The following DZANK1 variants were observed in gnomAD, a reference collection of about 807,000 sequenced individuals.
The protein encoded by DZANK1 is double zinc ribbon and ankyrin repeat domains 1, also known as double zinc ribbon and ankyrin repeat-containing protein 1.
DZANK1 carries 91 observed loss-of-function variants against 94.5 expected under a neutral mutation model. That is an observed-to-expected ratio of 0.96 (90% confidence interval 0.81 to 1.15). DZANK1 has a LOEUF of 1.15. Among genes scored for constraint, DZANK1 ranks in the 50% most tolerant of loss-of-function variants. The pLI is 0.00. For synonymous variants in DZANK1, 312 were observed against 325.3 expected, an observed-to-expected ratio of 0.96 and a Z score of 0.44; for missense variants, 903 against 916.4, an observed-to-expected ratio of 0.99 and a Z score of 0.19.
rs749051406 is a variant in DZANK1 at position 18,412,637 on chromosome 20, C to T, written c.1432+9G>A. ...TCCCGACCAGAAGAAAGGGCATCCT[C>T]CCCCTTACCTCTTCCTGGGCTGATG... is the stretch of plus-strand genomic sequence containing the variant. On this transcript the variant is annotated intron_variant, in intron 13 of 20. Transcript: ENST00000262547. 6.2e-7 allele frequency: 1 copy of T among 1,611,666 alleles called. No homozygotes were observed. The highest frequency in any genetic ancestry group is 8.5e-7 in the Non-Finnish European group (1 of 1,179,212).
chr20:18,383,444 G>A (rs1293437517), exon 21 of DZANK1: 1 of 152,072 alleles, frequency 6.6e-6, no homozygotes, highest in East Asian at 1.9e-4. Context: ...GAATATTGAT[G>A]ATTTCAACAT....
chr20:18,398,366 G>A (rs2056475063), intron 14 of DZANK1, 157 bp downstream of exon 14: 2 of 648,000 alleles, frequency 3.1e-6, no homozygotes, highest in South Asian at 2.0e-5. Flanking sequence ...TGATTTATTA[G>A]AGCAGAGCTC....
chr20:18,431,564 T>C (rs16979132), intron 9 of DZANK1, among the ~76,000 whole-genome samples: 12,834 of 152,274 alleles, frequency 0.084, 576 homozygotes, highest in East Asian at 0.13. Flanking sequence ...GGAATGAAGA[T>C]TGTCAGGCCA....
chr20:18,422,342 A>G (rs1196930605), intron 10 of DZANK1, among the ~76,000 whole-genome samples: 1 of 152,144 alleles, frequency 6.6e-6, no homozygotes, highest in Non-Finnish European at 1.5e-5. Flanking sequence ...TTGAAAATCA[A>G]TTGATGGTAG....
At position 18,437,993 on chromosome 20, in the gene DZANK1, C is replaced by T. The variant is rs1045828771; in HGVS notation, c.748-4228G>A. 4.0e-5 allele frequency among the ~76,000 whole-genome samples: 6 copies of T among 151,792 alleles called. No individual in the cohort carries two copies. The South Asian group carries it at 1.0e-3, about 26-fold the overall frequency. On this transcript the variant is annotated intron_variant, in intron 8 of 20. Transcript: ENST00000262547. The stretch of plus-strand genomic sequence containing the variant: ...CAGCACTTTGGGAGGCCGAGGCGGG[C>T]GGATCATGAGGTCAGGAGATCGAGA...
At chr20:18,410,214 A>T (rs2057185000) in intron 13 of DZANK1, among the ~76,000 whole-genome samples, 1 of 152,174 alleles carries the variant, frequency 6.6e-6, no homozygotes, top group African/African-American at 2.4e-5. Context: ...TAATTGTAAC[A>T]GTGTTTTGAG....
intron 10 of DZANK1, chr20:18,421,034 G>T: frequency 5.8e-6 from 1 of 173,794 alleles, no homozygotes; most frequent in South Asian, 1.5e-4. Flanking sequence ...GCTCTCTGGA[G>T]CCTGTCAAGC....
At chr20:18,443,495 G>T in intron 7 of DZANK1, 31 bp from the exon 8 acceptor site, 1 of 1,240,076 alleles carries the variant, frequency 8.1e-7, no homozygotes, top group Non-Finnish European at 1.1e-6. Flanking sequence ...GATTGGCCAT[G>T]TTCTGGTGGG....
Position 18,459,194 on chromosome 20 carries a change from T to C in DZANK1, c.263+959A>G, listed in dbSNP as rs16979209. ...TTTTAATAATTGAGATGACTTACCT[T>C]GATAGAAGTGGCCTGGCAAGTGTGA... is the stretch of plus-strand genomic sequence containing the variant. On this transcript the variant is annotated intron_variant, in intron 3 of 20. Coordinates refer to ENST00000262547, the Ensembl canonical transcript of DZANK1. Among the ~76,000 whole-genome samples the C allele has an allele frequency of 2.5e-3, 386 of 152,344 alleles. 6 individuals are homozygous for C. Among genetic ancestry groups the C allele is most frequent in the Admixed American group, 0.021 (326 of 15,304 alleles).
chr20:18,409,475 C>A (rs1396851599), intron 13 of DZANK1, among the ~76,000 whole-genome samples: 1 of 151,578 alleles, frequency 6.6e-6, no homozygotes, highest in African/African-American at 2.4e-5. Flanking sequence ...GAATTCATTG[C>A]TAGCAAATCT....
chr20:18,465,406 A>ATGTACACTTATAGC lies in DZANK1; in HGVS notation c.-19-30_-19-29insGCTATAAGTGTACA. 4.0e-6 allele frequency: 4 copies of ATGTACACTTATAGC among 1,011,744 alleles called. 1 individual carries two copies. Among genetic ancestry groups the ATGTACACTTATAGC allele is most frequent in the Non-Finnish European group, 5.4e-6 (4 of 734,810 alleles). 62.7% of individuals were successfully genotyped at this position (1,011,744 alleles called of 1,614,324 possible). A position where few individuals can be genotyped will look rare whatever the true frequency, so the allele number is the denominator to read the frequency against. On this transcript the variant is annotated intron_variant, in intron 1 of 20. Coordinates refer to ENST00000262547, the Ensembl canonical transcript of DZANK1. ...TATATATATATACATATAAATTCCA[A>ATGTACACTTATAGC]TGTACACAAAAGCTGAAGAGCAGCA... is the stretch of plus-strand genomic sequence containing the variant.
intron 7 of DZANK1, among the ~76,000 whole-genome samples, chr20:18,447,077 A>C (rs965127765): frequency 6.6e-6 from 1 of 152,226 alleles, no homozygotes; most frequent in African/African-American, 2.4e-5. Context: ...AAAAAGAAAA[A>C]CTAAATTATC....
chr20:18,412,968 T>G, intron 12 of DZANK1, 115 bp from the exon 13 acceptor site: 1 of 993,710 alleles, frequency 1.0e-6, no homozygotes, highest in Non-Finnish European at 1.5e-6. Flanking sequence ...AAAAGTGTAC[T>G]TGGAACTAAT....
intron 9 of DZANK1, among the ~76,000 whole-genome samples, chr20:18,428,035 C>T (rs1268388354): frequency 1.3e-5 from 2 of 151,228 alleles, no homozygotes; most frequent in East Asian, 4.0e-4. Context: ...CCTGTAGTCC[C>T]AGCTGCTGGG....
intron 10 of DZANK1, among the ~76,000 whole-genome samples, chr20:18,416,321 T>A (rs1810159056): frequency 6.6e-6 from 1 of 152,214 alleles, no homozygotes; most frequent in Non-Finnish European, 1.5e-5. Context: ...TGGATAGGAA[T>A]GCTTAGCACA....
chr20:18,433,447 C>T, intron 9 of DZANK1: 1 of 513,804 alleles, frequency 1.9e-6, no homozygotes, highest in Non-Finnish European at 3.5e-6. Flanking sequence ...GAGGCTGAGG[C>T]AGGAGAATCA....
At chr20:18,425,935 T>C (rs150386061) in intron 10 of DZANK1, among the ~76,000 whole-genome samples, 19 of 152,334 alleles carry the variant, frequency 1.2e-4, no homozygotes, top group South Asian at 4.1e-4. Flanking sequence ...AGTGTGGCCC[T>C]GCCAACACCT....
intron 3 of DZANK1, among the ~76,000 whole-genome samples, chr20:18,458,361 G>T (rs1018970521): frequency 6.6e-6 from 1 of 152,116 alleles, no homozygotes; most frequent in Non-Finnish European, 1.5e-5. Flanking sequence ...AGTCACTCCA[G>T]CCAGTGAACA....
chr20:18,452,069 TG>T (rs796964678), intron 6 of DZANK1: 75 of 222,268 alleles, frequency 3.4e-4, no homozygotes, highest in Admixed American at 1.1e-3. Flanking sequence ...CATTTAGGGG[TG>T]GTTTTTTTTT....
Sources: allele counts gnomAD v4.1 joint callset (sites outside exome capture counted in the v4.1 genomes callset), GRCh38; gene constraint gnomAD v4.1.1; transcripts MANE v1.5; gene names NCBI Gene and HGNC (gene_info 2026-07-23, HGNC 2026-07-21).